The following FIGN variants were observed in gnomAD, a reference collection of about 807,000 sequenced individuals.
FIGN encodes fidgetin, microtubule severing factor.
FIGN carries 11 observed loss-of-function variants against 51.3 expected under a neutral mutation model. The ratio of observed to expected loss-of-function variants is 0.21; its 90% CI spans 0.13 to 0.35. The LOEUF is 0.35. FIGN is among the 10% of genes least tolerant of loss of function. FIGN has a pLI of 1.00. For missense variants in FIGN, 857 were observed against 943.6 expected, an observed-to-expected ratio of 0.91 and a Z score of 1.20; for synonymous variants, 407 against 363.2, an observed-to-expected ratio of 1.12 and a Z score of -1.37.
chr2:163,614,221 G>A (rs898155643), intron 2 of FIGN, among the ~76,000 whole-genome samples: 11 of 151,956 alleles, frequency 7.2e-5, no homozygotes, highest in Non-Finnish European at 1.3e-4. Context: ...AAAACACACC[G>A]CAAAATGGGT....
At chr2:163,714,472 T>C (rs930614907) in intron 2 of FIGN, among the ~76,000 whole-genome samples, 1 of 152,206 alleles carries the variant, frequency 6.6e-6, no homozygotes, top group Non-Finnish European at 1.5e-5. Flanking sequence ...CCAATGAGCA[T>C]ATGTCCATGA....
intron 2 of FIGN, among the ~76,000 whole-genome samples, chr2:163,647,506 G>T (rs990851173): frequency 1.3e-5 from 2 of 152,156 alleles, no homozygotes; most frequent in African/African-American, 4.8e-5. Context: ...AAGGCCTTCA[G>T]AGCTCACCCT....
chr2:163,658,126 A>G (rs1238654799), intron 2 of FIGN, among the ~76,000 whole-genome samples: 2 of 152,178 alleles, frequency 1.3e-5, no homozygotes, highest in African/African-American at 4.8e-5. Context: ...TTGTCTGCGG[A>G]ATAGATATTA....
chr2:163,731,491 A>C (rs1342487703), intron 2 of FIGN, among the ~76,000 whole-genome samples: 1 of 152,076 alleles, frequency 6.6e-6, no homozygotes, highest in African/African-American at 2.4e-5. Context: ...CTACCTACAA[A>C]AAGGTTTTCA....
intron 2 of FIGN, among the ~76,000 whole-genome samples, chr2:163,650,705 C>T (rs1040142084): frequency 7.9e-5 from 12 of 152,038 alleles, no homozygotes; most frequent in Non-Finnish European, 1.2e-4. Flanking sequence ...TAGGCTGTGT[C>T]CTATCTCTAA....
intron 2 of FIGN, among the ~76,000 whole-genome samples, chr2:163,626,867 T>G (rs1475663166): frequency 6.6e-6 from 1 of 152,124 alleles, no homozygotes; most frequent in East Asian, 1.9e-4. Context: ...TCGTCCTCAC[T>G]GCTCATTCTA....
At chr2:163,672,694 A>G (rs1350981836) in intron 2 of FIGN, among the ~76,000 whole-genome samples, 1 of 152,214 alleles carries the variant, frequency 6.6e-6, no homozygotes, top group Non-Finnish European at 1.5e-5. Flanking sequence ...AGCCACAACA[A>G]TAACAAGAAA....
intron 2 of FIGN, chr2:163,612,423 A>T: frequency 1.0e-6 from 1 of 985,232 alleles, no homozygotes. Context: ...TCCATAATCC[A>T]ACTCTCATCT....
In FIGN at chr2:163,611,579, G is replaced by C; in HGVS notation, c.253C>G (p.Arg85Gly). ...TCCGAATAGTTGCTGAGTACGGGTC[G>C]GTCCACAGGACCTTCCAAAATGCCG... The part of the protein sequence containing the change: ...YSGILEGPVD[R>G]PVLSNYSDTP... Residue 85 changes from arginine (R) to glycine (G), a missense_variant, in exon 3 of 3, where the codon CGA becomes GGA. Physicochemically the swap from Arg to Gly is moderately radical, Grantham distance 125. Transcript: ENST00000333129. The C allele has an allele frequency of 3.7e-6, 6 of 1,614,156 alleles. No homozygotes were observed. Among genetic ancestry groups the C allele is most frequent in the Non-Finnish European group, 4.2e-6 (5 of 1,180,018 alleles).
At chr2:163,615,077 T>C (rs1008715106) in intron 2 of FIGN, among the ~76,000 whole-genome samples, 32 of 152,296 alleles carry the variant, frequency 2.1e-4, no homozygotes, top group African/African-American at 7.7e-4. Context: ...ATCAAAATTA[T>C]CTATTTGGAA....
rs1691169451 is a variant in FIGN, at chr2:163,609,021, C to T, written c.*531G>A. ...TGTTTTACCTGTTCTTAGCTTAATA[C>T]TGCAGAACAGACAGGATTGAGGAAT... On this transcript the variant is annotated 3_prime_UTR_variant, in exon 3 of 3. Coordinates refer to ENST00000333129, the MANE Select transcript of FIGN (RefSeq NM_018086.4). 1.3e-5 allele frequency: 2 copies of T among 153,880 alleles called. No individual in the cohort carries two copies. The highest frequency in any genetic ancestry group is 4.8e-5 in the African/African-American group (2 of 41,458). 9.5% of individuals were successfully genotyped at this position (153,880 alleles called of 1,614,324 possible).
At chr2:163,686,777 T>C (rs200921029) in intron 2 of FIGN, among the ~76,000 whole-genome samples, 21 of 146,310 alleles carry the variant, frequency 1.4e-4, no homozygotes, top group South Asian at 1.1e-3. Context: ...TATATACACA[T>C]ACACACACAC....
At chr2:163,678,041 ACAT>A (rs770224041) in intron 2 of FIGN, among the ~76,000 whole-genome samples, 2 of 152,196 alleles carry the variant, frequency 1.3e-5, no homozygotes, top group Non-Finnish European at 2.9e-5. Flanking sequence ...TCTATTTTTA[ACAT>A]CTTACATTAC....
intron 2 of FIGN, among the ~76,000 whole-genome samples, chr2:163,639,970 T>C (rs1215558531): frequency 6.6e-6 from 1 of 152,172 alleles, no homozygotes; most frequent in Non-Finnish European, 1.5e-5. Flanking sequence ...GTTATTGTTA[T>C]TATCATCATC....
At chr2:163,722,851 A>G (rs954742606) in intron 2 of FIGN, among the ~76,000 whole-genome samples, 4 of 152,020 alleles carry the variant, frequency 2.6e-5, no homozygotes, top group Non-Finnish European at 5.9e-5. Context: ...CATTCTTTAA[A>G]TATTTAAAAA....
intron 1 of FIGN, 46 bp from the exon 2 acceptor site, chr2:163,735,118 G>A: frequency 1.8e-5 from 10 of 551,280 alleles, no homozygotes; most frequent in South Asian, 2.4e-5. Context: ...ACAAAAAGGG[G>A]ATCTCAGATC....
intron 2 of FIGN, among the ~76,000 whole-genome samples, chr2:163,696,848 T>G (rs1447653861): frequency 6.6e-6 from 1 of 151,158 alleles, no homozygotes; most frequent in Non-Finnish European, 1.5e-5. Flanking sequence ...TTTTTTTTTT[T>G]TTTTAAGAGA....
chr2:163,724,247 G>C (rs1177572426), intron 2 of FIGN, among the ~76,000 whole-genome samples: 1 of 152,192 alleles, frequency 6.6e-6, no homozygotes, highest in Admixed American at 6.5e-5. Flanking sequence ...TTGCAAGACT[G>C]ACAGAAATGT....
At chr2:163,652,445 G>A (rs1683493758) in intron 2 of FIGN, among the ~76,000 whole-genome samples, 1 of 146,442 alleles carries the variant, frequency 6.8e-6, no homozygotes, top group Admixed American at 7.1e-5. Flanking sequence ...TCTACTTAGG[G>A]ATAGGATTTT....
Sources: gnomAD v4.1 joint callset for allele counts (sites outside exome capture counted in the v4.1 genomes callset) on GRCh38, gnomAD v4.1.1 for gene constraint, MANE v1.5 for transcripts, NCBI Gene and HGNC (gene_info 2026-07-23, HGNC 2026-07-21) for gene names.